The following ZNF93 variants were observed in gnomAD, a reference collection of about 807,000 sequenced individuals.
ZNF93 encodes zinc finger protein 505.
A neutral mutation model predicts 45.0 loss-of-function variants in ZNF93; 29 were observed. The ratio of observed to expected loss-of-function variants is 0.64; its 90% CI spans 0.48 to 0.88. The LOEUF is 0.88. Among genes scored for constraint, ZNF93 ranks in the 40% least tolerant of loss-of-function variants. The pLI is 0.00. For missense variants in ZNF93, 578 were observed against 724.0 expected, an observed-to-expected ratio of 0.80 and a Z score of 2.31; for synonymous variants, 223 against 244.6, an observed-to-expected ratio of 0.91 and a Z score of 0.82.
At chr19:19,902,905 T>G (rs2063279153) in intron 1 of ZNF93, among the ~76,000 whole-genome samples, 1 of 151,144 alleles carries the variant, frequency 6.6e-6, no homozygotes, top group Non-Finnish European at 1.5e-5. Context: ...CCCGGCTAAT[T>G]AAAAAAAATT....
intron 1 of ZNF93, among the ~76,000 whole-genome samples, chr19:19,902,961 G>A (rs1341080431): frequency 6.6e-6 from 1 of 151,828 alleles, no homozygotes; most frequent in African/African-American, 2.4e-5. Flanking sequence ...GGATGGTCTC[G>A]ATCTCATGAC....
intron 3 of ZNF93, among the ~76,000 whole-genome samples, chr19:19,928,167 C>G (rs540872269): frequency 6.6e-6 from 1 of 152,210 alleles, no homozygotes; most frequent in South Asian, 2.1e-4. Context: ...CCAACTTTAT[C>G]AGTGTTGATA....
At chr19:19,922,850 T>G (rs1249217978) in intron 3 of ZNF93, among the ~76,000 whole-genome samples, 3 of 152,200 alleles carry the variant, frequency 2.0e-5, no homozygotes, top group African/African-American at 7.2e-5. Flanking sequence ...TAATCTTTTT[T>G]CAAGGTTTTT....
intron 3 of ZNF93, among the ~76,000 whole-genome samples, chr19:19,926,857 ATTCT>A (rs1346553056): frequency 2.8e-4 from 42 of 152,240 alleles, no homozygotes; most frequent in Admixed American, 2.2e-3. Flanking sequence ...TATGGCTTAT[ATTCT>A]TTCTTAGCTG....
chr19:19,901,558 TGAG>T (rs2063271377), intron 1 of ZNF93, among the ~76,000 whole-genome samples: 1 of 151,606 alleles, frequency 6.6e-6, no homozygotes, highest in Non-Finnish European at 1.5e-5. Context: ...GCGGATCACT[TGAG>T]GAGTTGTTAG....
Position 19,934,928 on chromosome 19 carries a change from G to T in ZNF93, c.*110G>T. 8.0e-7 allele frequency: 1 copy of T among 1,243,758 alleles called. No individual in the cohort carries two copies. The highest frequency in any genetic ancestry group is 1.1e-6 in the Non-Finnish European group (1 of 908,524). The allele number at this position is 1,243,758 out of a possible 1,614,324, so 77.0% of individuals were successfully genotyped here. A position where few individuals can be genotyped will look rare whatever the true frequency, so the allele number is the denominator to read the frequency against. The stretch of plus-strand genomic sequence containing the variant: ...CCAAACTCCTCCCAGGCACAGTCTG[G>T]CAGAGGTCCTGCCATTTCGGAGACC... On this transcript the variant is annotated 3_prime_UTR_variant, in exon 4 of 4. Transcript: ENST00000343769.
chr19:19,929,527 A>G (rs1348607316), intron 3 of ZNF93, among the ~76,000 whole-genome samples: 1 of 152,226 alleles, frequency 6.6e-6, no homozygotes, highest in Non-Finnish European at 1.5e-5. Context: ...ACACATATAC[A>G]TATAGATAGA....
At chr19:19,925,006 G>C (rs1267120200) in intron 3 of ZNF93, among the ~76,000 whole-genome samples, 1 of 152,218 alleles carries the variant, frequency 6.6e-6, no homozygotes, top group African/African-American at 2.4e-5. Context: ...CTGTAGGCCT[G>C]CCTACATGGC....
In ZNF93 at chr19:19,902,648, G is replaced by C. The variant is rs184837162; in HGVS notation, c.3+1557G>C. On this transcript the variant is annotated intron_variant, in intron 1 of 3. Transcript: ENST00000343769. ...ATTCACCGGAGCCATGGAAGGAGGC[G>C]TTATTCTGAGAGAAGGTACAGAGCC... 6.1e-3 allele frequency among the ~76,000 whole-genome samples: 929 copies of C among 151,748 alleles called. 13 individuals carry two copies. The highest frequency in any genetic ancestry group is 0.02 in the African/African-American group (845 of 41,358).
At chr19:19,921,703 T>C (rs1182227339) in intron 3 of ZNF93, among the ~76,000 whole-genome samples, 1 of 152,050 alleles carries the variant, frequency 6.6e-6, no homozygotes, top group Non-Finnish European at 1.5e-5. Flanking sequence ...TGTAATGGCC[T>C]TCTTTGTCTC....
chr19:19,922,547 C>T (rs1343334652), intron 3 of ZNF93, among the ~76,000 whole-genome samples: 1 of 152,196 alleles, frequency 6.6e-6, no homozygotes, highest in Non-Finnish European at 1.5e-5. Context: ...CAGCTTGGTT[C>T]CATTCTCCCC....
intron 1 of ZNF93, among the ~76,000 whole-genome samples, chr19:19,911,812 C>T (rs1384410098): frequency 6.6e-6 from 1 of 151,872 alleles, no homozygotes; most frequent in Admixed American, 6.6e-5. Flanking sequence ...TGCAGTGGCA[C>T]GATCTCGGCT....
chr19:19,932,643 T>C (rs1008502405), intron 3 of ZNF93: 9 of 152,392 alleles, frequency 5.9e-5, no homozygotes, highest in African/African-American at 1.9e-4. Flanking sequence ...ACAATAATTA[T>C]GTGAAAGTTA....
Position 19,916,457 on chromosome 19 carries a change from A to C in ZNF93, c.131-103A>C, listed in dbSNP as rs1599568996. The C allele has an allele frequency of 5.7e-6, 5 of 883,004 alleles. No homozygotes were observed. The East Asian group carries it at 7.9e-5, about 14-fold the overall frequency. 54.7% of individuals were successfully genotyped at this position (883,004 alleles called of 1,614,324 possible). On this transcript the variant is annotated intron_variant, in intron 2 of 3. Transcript: ENST00000343769. ...TGTTATAAATTTGTATTTTGGTATT[A>C]ATTTACTAGAATATTTTATCACATC...
intron 1 of ZNF93, among the ~76,000 whole-genome samples, chr19:19,909,956 G>A (rs2063303134): frequency 6.6e-6 from 1 of 152,188 alleles, no homozygotes; most frequent in African/African-American, 2.4e-5. Context: ...AAACTTCACA[G>A]GGCAGCAATT....
At chr19:19,917,346 T>TAGAC (rs1206422753) in intron 3 of ZNF93, among the ~76,000 whole-genome samples, 13 of 152,080 alleles carry the variant, frequency 8.5e-5, no homozygotes, top group African/African-American at 2.9e-4. Flanking sequence ...CTTCAAGTTA[T>TAGAC]AGACATAAAA....
intron 3 of ZNF93, among the ~76,000 whole-genome samples, chr19:19,926,518 CTG>C (rs2063356671): frequency 6.7e-6 from 1 of 148,830 alleles, no homozygotes; most frequent in South Asian, 2.2e-4. Flanking sequence ...GAGTCTCACT[CTG>C]TCGCACAGGC....
At chr19:19,933,122 G>A (rs2063379553) in intron 3 of ZNF93, 60 bp from the exon 4 acceptor site, 2 of 1,303,914 alleles carry the variant, frequency 1.5e-6, no homozygotes, top group Admixed American at 2.7e-5. Context: ...GGTTAGATTT[G>A]TAAAGTATAT....
intron 1 of ZNF93, among the ~76,000 whole-genome samples, chr19:19,906,852 C>T (rs2122162422): frequency 6.6e-6 from 1 of 151,552 alleles, no homozygotes; most frequent in South Asian, 2.1e-4. Flanking sequence ...GTCATTATTT[C>T]TGGGCTCTCT....
Sources: allele counts gnomAD v4.1 joint callset (sites outside exome capture counted in the v4.1 genomes callset), GRCh38; gene constraint gnomAD v4.1.1; transcripts MANE v1.5; gene names NCBI Gene and HGNC (gene_info 2026-07-23, HGNC 2026-07-21).